Variants in CNTN1 observed in about 807,000 individuals in gnomAD.
CNTN1 encodes the protein contactin 1.
A neutral mutation model predicts 126.4 loss-of-function variants in CNTN1; 38 were observed. That is an observed-to-expected ratio of 0.30 (90% CI 0.23 to 0.39). The LOEUF is 0.39. Among genes scored for constraint, CNTN1 ranks in the 10% least tolerant of loss-of-function variants. The pLI is 1.00. For synonymous variants in CNTN1, 413 were observed against 422.6 expected, an observed-to-expected ratio of 0.98 and a Z score of 0.28; for missense variants, 1,009 against 1,248.4, an observed-to-expected ratio of 0.81 and a Z score of 2.89.
chr12:40,817,565 A>C (rs1374783158), intron 1 of CNTN1, among the ~76,000 whole-genome samples: 2 of 133,042 alleles, frequency 1.5e-5, no homozygotes, highest in Non-Finnish European at 1.5e-5. Context: ...GTGTCTTTGC[A>C]TGTAAGATGG....
intron 1 of CNTN1, among the ~76,000 whole-genome samples, chr12:40,719,338 T>C (rs544400326): frequency 3.3e-5 from 5 of 152,328 alleles, no homozygotes; most frequent in African/African-American, 1.2e-4. Context: ...CGGAGTATGG[T>C]ATTTATGGAG....
chr12:40,732,018 G>A (rs1347363828), intron 1 of CNTN1, among the ~76,000 whole-genome samples: 1 of 151,736 alleles, frequency 6.6e-6, no homozygotes, highest in African/African-American at 2.4e-5. Flanking sequence ...TGGTGCAGAA[G>A]GAAATCTGAA....
intron 1 of CNTN1, among the ~76,000 whole-genome samples, chr12:40,879,687 G>A (rs185114723): frequency 1.3e-5 from 2 of 152,216 alleles, no homozygotes; most frequent in African/African-American, 4.8e-5. Context: ...AATATGCATA[G>A]ATTTGTTCTT....
At chr12:41,014,347 AACTTCC>A (rs1307594887) in intron 18 of CNTN1, 49 bp downstream of exon 18, 1 of 1,565,872 alleles carries the variant, frequency 6.4e-7, no homozygotes, top group South Asian at 1.1e-5. Flanking sequence ...ATCTATATTT[AACTTCC>A]ACCCCATTTT....
At chr12:40,926,894 T>G (rs1945711596) in intron 6 of CNTN1, among the ~76,000 whole-genome samples, 1 of 152,088 alleles carries the variant, frequency 6.6e-6, no homozygotes, top group Admixed American at 6.6e-5. Flanking sequence ...GGCATAAAAG[T>G]TTTTGCTGTG....
At chr12:40,969,831 G>A (rs1947439893) in intron 15 of CNTN1, among the ~76,000 whole-genome samples, 1 of 151,950 alleles carries the variant, frequency 6.6e-6, no homozygotes, top group South Asian at 2.1e-4. Context: ...TATCCTTTGG[G>A]AAAAAAATGC....
At chr12:40,796,587 T>G (rs1940440174) in intron 1 of CNTN1, among the ~76,000 whole-genome samples, 2 of 152,024 alleles carry the variant, frequency 1.3e-5, no homozygotes, top group South Asian at 2.1e-4. Context: ...GAGGTGAGCT[T>G]CCCCAGGGAA....
At position 40,912,598 on chromosome 12, in the gene CNTN1, T is replaced by C. The variant is rs192353587; in HGVS notation, c.94+2493T>C. Among the ~76,000 whole-genome samples, 145 of 152,224 alleles carry C rather than the reference T, an allele frequency of 9.5e-4. 1 individual carries two copies. The highest frequency in any genetic ancestry group is 3.1e-3 in the African/African-American group (129 of 41,552). ...TAATTTATACTTTGTACATTTAGAG[T>C]TATGATATGACTGTATAATATCCAA... On this transcript the variant is annotated intron_variant, in intron 3 of 23. Transcript: ENST00000551295.
At chr12:40,971,516 G>A (rs745806205) in intron 15 of CNTN1, 39 of 1,594,822 alleles carry the variant, frequency 2.4e-5, no homozygotes, top group South Asian at 1.0e-4. Flanking sequence ...CCTGGTGATC[G>A]TTGACACTCA....
intron 14 of CNTN1, among the ~76,000 whole-genome samples, chr12:40,953,940 A>AG (rs1391670903): frequency 6.6e-6 from 1 of 152,136 alleles, no homozygotes; most frequent in East Asian, 1.9e-4. Context: ...GGCAATTATG[A>AG]TACCACAATA....
intron 2 of CNTN1, among the ~76,000 whole-genome samples, chr12:40,908,808 C>A (rs528925064): frequency 1.3e-5 from 2 of 152,204 alleles, no homozygotes; most frequent in South Asian, 4.2e-4. Context: ...AACCTGACAT[C>A]ATTTAATGTG....
At chr12:40,966,334 C>T (rs1258477691) in intron 15 of CNTN1, among the ~76,000 whole-genome samples, 1 of 151,974 alleles carries the variant, frequency 6.6e-6, no homozygotes, top group Non-Finnish European at 1.5e-5. Context: ...GACAACTGGG[C>T]GCCATTCTGA....
At chr12:40,759,757 C>A (rs2136413506) in intron 1 of CNTN1, among the ~76,000 whole-genome samples, 1 of 149,964 alleles carries the variant, frequency 6.7e-6, no homozygotes, top group East Asian at 2.0e-4. Context: ...GCGTGAGCCA[C>A]CTCACTTGGC....
At chr12:40,925,920 T>C (rs1424090823) in intron 6 of CNTN1, among the ~76,000 whole-genome samples, 1 of 147,948 alleles carries the variant, frequency 6.8e-6, no homozygotes, top group Non-Finnish European at 1.5e-5. Flanking sequence ...TCCCACAAAG[T>C]AATGACCAAA....
chr12:40,856,982 T>C (rs540736271), intron 1 of CNTN1, among the ~76,000 whole-genome samples: 1 of 152,226 alleles, frequency 6.6e-6, no homozygotes, highest in South Asian at 2.1e-4. Flanking sequence ...AACTATACAA[T>C]ATATAACACA....
At chr12:40,809,878 C>T (rs1445301004) in intron 1 of CNTN1, among the ~76,000 whole-genome samples, 5 of 150,164 alleles carry the variant, frequency 3.3e-5, no homozygotes, top group Non-Finnish European at 7.4e-5. Context: ...GTAAATGACT[C>T]TATATATTTG....
chr12:40,939,267 A>G (rs1946183383), intron 11 of CNTN1, 68 bp from the exon 12 acceptor site: 4 of 1,537,372 alleles, frequency 2.6e-6, no homozygotes, highest in Non-Finnish European at 3.6e-6. Context: ...AAAAGATTCT[A>G]CAACACAGAA....
intron 23 of CNTN1, among the ~76,000 whole-genome samples, chr12:41,037,574 G>T (rs1406302883): frequency 1.3e-5 from 2 of 151,630 alleles, no homozygotes; most frequent in African/African-American, 2.4e-5. Flanking sequence ...AGACATTCCT[G>T]TCATTAAGCA....
At position 40,975,181 on chromosome 12, in the gene CNTN1, TATATA is replaced by T. The variant is rs1947638462; in HGVS notation, c.1805-5727_1805-5723del. 5.2e-3 allele frequency among the ~76,000 whole-genome samples: 653 copies of T among 126,676 alleles called. 11 individuals carry two copies. Among genetic ancestry groups the T allele is most frequent in the Non-Finnish European group, 6.5e-3 (384 of 58,766 alleles). The allele number at this position is 126,676 out of a possible 152,430, so 83.1% of individuals were successfully genotyped here. ...CGGTGTCCTTTTGTAAAATGGATTATATATATATATATATATATATATATATATAT... is the reference window on the plus strand; with the variant it reads ...CGGTGTCCTTTTGTAAAATGGATTATTATATATATATATATATATATATAT... On this transcript the variant is annotated intron_variant, in intron 15 of 23. Coordinates refer to ENST00000551295, the MANE Select transcript of CNTN1 (RefSeq NM_001843.4).
Sources: gnomAD v4.1 joint callset for allele counts (sites outside exome capture counted in the v4.1 genomes callset) on GRCh38, gnomAD v4.1.1 for gene constraint, MANE v1.5 for transcripts, NCBI Gene and HGNC (gene_info 2026-07-23, HGNC 2026-07-21) for gene names.